CASP5: variants seen among roughly 807,000 people sequenced by gnomAD.
CASP5 encodes caspase-5.
A neutral mutation model predicts 45.2 loss-of-function variants in CASP5; 42 were observed. The ratio of observed to expected loss-of-function variants is 0.93; its 90% CI spans 0.73 to 1.20. CASP5 has a LOEUF of 1.20. Among genes scored for constraint, CASP5 ranks in the 50% most tolerant of loss-of-function variants. The pLI is 0.00. For missense variants in CASP5, 512 were observed against 532.2 expected, an observed-to-expected ratio of 0.96 and a Z score of 0.37; for synonymous variants, 209 against 186.2, an observed-to-expected ratio of 1.12 and a Z score of -1.00.
At chr11:105,004,724 A>T (rs894987158) in intron 3 of CASP5, among the ~76,000 whole-genome samples, 2 of 152,168 alleles carry the variant, frequency 1.3e-5, no homozygotes, top group Non-Finnish European at 2.9e-5. Flanking sequence ...TAAAAGCGTG[A>T]GTTCTGGGAA....
At chr11:105,007,000 A>G (rs1862028693) in intron 3 of CASP5, 83 bp downstream of exon 3, 2 of 1,146,430 alleles carry the variant, frequency 1.7e-6, no homozygotes, top group Admixed American at 2.2e-5. Context: ...CTGTAGGTAG[A>G]TCACAGATAA....
Position 104,995,839 on chromosome 11 carries a change from G to T in CASP5, c.1210C>A (p.Gln404Lys). 3.7e-6 allele frequency: 6 copies of T among 1,603,852 alleles called. No individual in the cohort carries two copies. Among genetic ancestry groups the T allele is most frequent in the Non-Finnish European group, 4.3e-6 (5 of 1,171,478 alleles). Residue 404 changes from glutamine (Q) to lysine (K), a missense_variant, in exon 9 of 10, where the codon CAG (glutamine) becomes AAG (lysine). Physicochemically the swap from Gln to Lys is moderately conservative, Grantham distance 53. Transcript: ENST00000260315. ...GCCTGTGGAACTTCAAATGATTTCTGTACCTAAAAGAAAAAACAGTAGATG... is the reference window on the plus strand; with the variant it reads ...GCCTGTGGAACTTCAAATGATTTCTTTACCTAAAAGAAAAAACAGTAGATG... The part of the protein sequence containing the change: ...CHLMEIFRKV[Q>K]KSFEVPQAKA...
At chr11:105,011,175 A>G (rs1461039306) in intron 1 of CASP5, among the ~76,000 whole-genome samples, 1 of 151,808 alleles carries the variant, frequency 6.6e-6, no homozygotes, top group Non-Finnish European at 1.5e-5. Flanking sequence ...TACACAGATT[A>G]GTTAATGGAA....
chr11:105,001,361 A>G (rs770726073), intron 5 of CASP5, among the ~76,000 whole-genome samples: 3 of 152,164 alleles, frequency 2.0e-5, no homozygotes, highest in Admixed American at 6.5e-5. Flanking sequence ...TGGATTTAAT[A>G]TTTGTTTTAA....
chr11:105,001,376 G>A (rs3181327), intron 5 of CASP5, among the ~76,000 whole-genome samples: 15,028 of 152,220 alleles, frequency 0.099, 808 homozygotes, highest in South Asian at 0.11. Flanking sequence ...TTTTAAGAGT[G>A]CATTCCTGGG....
chr11:105,022,602 A>G (rs1057057580), intron 1 of CASP5, among the ~76,000 whole-genome samples: 1 of 152,144 alleles, frequency 6.6e-6, no homozygotes, highest in African/African-American at 2.4e-5. Flanking sequence ...CTATGATAGC[A>G]ACCTAAGATA....
chr11:104,995,877 T>G, intron 8 of CASP5, 35 bp from the exon 9 acceptor site: 2 of 1,262,938 alleles, frequency 1.6e-6, no homozygotes, highest in Non-Finnish European at 2.3e-6. Context: ...ATATGAGGGA[T>G]TTTGGGTTCT....
chr11:105,005,297 G>C (rs951513940), intron 3 of CASP5, among the ~76,000 whole-genome samples: 9 of 151,808 alleles, frequency 5.9e-5, no homozygotes, highest in African/African-American at 1.9e-4. Flanking sequence ...AGCACATAGG[G>C]ACTTAGGTGG....
intron 8 of CASP5, among the ~76,000 whole-genome samples, chr11:104,996,142 T>A (rs1402399138): frequency 6.6e-6 from 1 of 152,200 alleles, no homozygotes. Flanking sequence ...TCCTTTGGGA[T>A]ATGCTCATGA....
Position 105,008,820 on chromosome 11 carries a change from C to A in CASP5, c.168G>T (p.Ser56=). ...ATCCAGTCTTACTTTTTACACTGGTCGACTTTTGATCCGTATTAGGTACTA... is the reference window on the plus strand; with the variant it reads ...ATCCAGTCTTACTTTTTACACTGGTAGACTTTTGATCCGTATTAGGTACTA... ...QTLVPNTDQK[S]TSVKKDNHKK... is the part of the protein sequence containing the mutation. The change falls in exon 2 of 10, where the codon TCG becomes TCT. Residue 56 remains serine (S), a synonymous_variant. Coordinates refer to ENST00000260315, the MANE Select transcript of CASP5 (RefSeq NM_004347.5). 2 of 1,605,908 alleles carry A rather than the reference C, an allele frequency of 1.2e-6. No homozygotes were observed. The highest frequency in any genetic ancestry group is 1.1e-5 in the South Asian group (1 of 89,484).
chr11:105,021,907 AC>A (rs1177858497), intron 1 of CASP5, among the ~76,000 whole-genome samples: 1 of 149,250 alleles, frequency 6.7e-6, no homozygotes, highest in East Asian at 1.9e-4. Flanking sequence ...CTTGGAACCA[AC>A]CCAAATGTCC....
rs770390346 is a variant in CASP5 at position 104,997,515 on chromosome 11, G to A, written c.1097-23C>T. On this transcript the variant is annotated intron_variant, in intron 7 of 9. Transcript: ENST00000260315. ...TATCTATGATGATACAGCCTGGTATGCCTTGGGCTACGACTTTCACTATGT... is the reference window on the plus strand; with the variant it reads ...TATCTATGATGATACAGCCTGGTATACCTTGGGCTACGACTTTCACTATGT... 22 of 1,447,492 alleles carry A rather than the reference G, an allele frequency of 1.5e-5. No individual in the cohort carries two copies. The South Asian group carries it at 2.6e-4, about 17-fold the overall frequency. The allele number at this position is 1,447,492 out of a possible 1,614,324, so 89.7% of individuals were successfully genotyped here. A position where few individuals can be genotyped will look rare whatever the true frequency, so the allele number is the denominator to read the frequency against.
intron 6 of CASP5, among the ~76,000 whole-genome samples, chr11:104,999,510 G>A (rs1861623068): frequency 6.6e-6 from 1 of 152,222 alleles, no homozygotes; most frequent in Middle Eastern, 3.4e-3. Flanking sequence ...ACACTGATGT[G>A]CCTCACTTAG....
chr11:105,004,720 C>T (rs1039447538), intron 3 of CASP5, among the ~76,000 whole-genome samples: 1 of 151,990 alleles, frequency 6.6e-6, no homozygotes, highest in Non-Finnish European at 1.5e-5. Flanking sequence ...ATGATAAAAG[C>T]GTGAGTTCTG....
In CASP5 at chr11:104,995,802, A is replaced by C; in HGVS notation, c.1247T>G (p.Met416Arg). The C allele has an allele frequency of 6.2e-7, 1 of 1,612,918 alleles. No individual in the cohort carries two copies. Among genetic ancestry groups the C allele is most frequent in the South Asian group, 1.1e-5 (1 of 90,952 alleles). ...CAAGGTTGCTCGTTCTATGGTGGGCATCTGGGCTTTAGCCTGTGGAACTTC... is the reference window on the plus strand; with the variant it reads ...CAAGGTTGCTCGTTCTATGGTGGGCCTCTGGGCTTTAGCCTGTGGAACTTC... ...SFEVPQAKAQ[M>R]PTIERATLTR... The change falls in exon 9 of 10, where the codon ATG (methionine) becomes AGG (arginine). Residue 416 changes from methionine (M) to arginine (R), a missense_variant. Met to Arg is a moderately conservative substitution (Grantham distance 91). Transcript: ENST00000260315.
At chr11:105,009,763 ACAC>A (rs1862201433) in intron 1 of CASP5, among the ~76,000 whole-genome samples, 1 of 78,894 alleles carries the variant, frequency 1.3e-5, no homozygotes, top group Non-Finnish European at 2.7e-5. Flanking sequence ...ATATATACAC[ACAC>A]ACACGTATAT....
chr11:105,009,769 A>ACC (rs1862204571), intron 1 of CASP5, among the ~76,000 whole-genome samples: 1 of 64,972 alleles, frequency 1.5e-5, no homozygotes, highest in Non-Finnish European at 3.1e-5. Context: ...ACACACACAC[A>ACC]CGTATATATA....
intron 3 of CASP5, among the ~76,000 whole-genome samples, chr11:105,005,724 A>G (rs1278534981): frequency 6.6e-6 from 1 of 152,196 alleles, no homozygotes; most frequent in Non-Finnish European, 1.5e-5. Context: ...TTTAGTGCTC[A>G]TCATATATGA....
At chr11:105,017,295 A>C (rs1007941936) in intron 1 of CASP5, among the ~76,000 whole-genome samples, 5 of 152,254 alleles carry the variant, frequency 3.3e-5, no homozygotes, top group Non-Finnish European at 5.9e-5. Context: ...CAACGGAACA[A>C]AGCTGGATGG....
Sources: gnomAD v4.1 joint callset for allele counts (sites outside exome capture counted in the v4.1 genomes callset) on GRCh38, gnomAD v4.1.1 for gene constraint, MANE v1.5 for transcripts, NCBI Gene and HGNC (gene_info 2026-07-23, HGNC 2026-07-21) for gene names.